Variants in ZNF532 observed in about 807,000 individuals in gnomAD.
ZNF532 encodes zinc finger protein 532.
In ZNF532, 22 loss-of-function variants were observed where a neutral mutation model predicts 89.3. That is an observed-to-expected ratio of 0.25 (90% CI 0.18 to 0.35). The LOEUF (loss-of-function observed/expected upper bound fraction) is 0.35, where lower values mean the gene tolerates loss of function less well. Among genes scored for constraint, ZNF532 ranks in the 10% least tolerant of loss-of-function variants. The probability of loss-of-function intolerance (pLI) is 1.00; values close to 1 mark genes in which losing one functional copy is unlikely to be tolerated. For synonymous variants in ZNF532, 606 were observed against 649.6 expected (o/e 0.93, Z 1.02); for missense variants, 1,132 against 1,643.4 (o/e 0.69, Z 5.38).
At chr18:58,902,785 C>A (rs180902570) in intron 2 of ZNF532, among the ~76,000 whole-genome samples, 1 of 152,240 alleles carries the variant, frequency 6.6e-6, no homozygotes, top group East Asian at 1.9e-4. Flanking sequence ...AGCCACCACA[C>A]CTGGCCCCAG....
At chr18:58,926,093 G>A (rs776151999) in intron 3 of ZNF532, 1 of 152,054 alleles carries the variant, frequency 6.6e-6, no homozygotes, top group Non-Finnish European at 1.5e-5. Context: ...ATAAATTTTA[G>A]AATAATGTTG....
chr18:58,918,009 C>A (rs1417742376), intron 2 of ZNF532, among the ~76,000 whole-genome samples: 1 of 152,190 alleles, frequency 6.6e-6, no homozygotes, highest in Non-Finnish European at 1.5e-5. Flanking sequence ...CAATCAACTT[C>A]ATTCTTGTTA....
chr18:58,919,026 G>A lies in ZNF532; in HGVS notation c.739G>A (p.Glu247Lys), dbSNP rs764117296. The A allele has an allele frequency of 5.6e-6, 9 of 1,613,592 alleles. No homozygotes were observed. In the African/African-American group the frequency reaches 6.7e-5, roughly 12 times the overall value. The change falls in exon 3 of 10, where the codon GAG becomes AAG. Residue 247 changes from glutamate to lysine, a missense_variant. Transcript: ENST00000591808. The surrounding 1 kb of genome is among the most constrained non-coding windows in gnomAD (Gnocchi z 6.1). Reference sequence around the variant, plus strand: ...AGTCCTAGATGGGAAGCTGAGCTCCGAGAAGAATGACACCAGCCTCCCCAG... The same window carrying A: ...AGTCCTAGATGGGAAGCTGAGCTCCAAGAAGAATGACACCAGCCTCCCCAG... Reference protein sequence around the residue: ...NRVLDGKLSSEKNDTSLPSVA... With the variant: ...NRVLDGKLSSKKNDTSLPSVA...
At chr18:58,933,257 T>A (rs11152108) in intron 3 of ZNF532, among the ~76,000 whole-genome samples, 79,791 of 151,914 alleles carry the variant, frequency 0.53, 22,264 homozygotes, top group African/African-American at 0.69. Flanking sequence ...TAAACATTTT[T>A]TGGGATAAAA....
chr18:58,939,589 A>G lies in ZNF532; in HGVS notation c.2673A>G (p.Thr891=). The G allele has an allele frequency of 6.2e-7, 1 of 1,613,628 alleles. No individual in the cohort carries two copies. Among genetic ancestry groups the G allele is most frequent in the Non-Finnish European group, 8.5e-7 (1 of 1,179,908 alleles). Residue 891 remains threonine, a synonymous_variant, in exon 5 of 10, where the codon ACA becomes ACG. Coordinates refer to ENST00000591808, the MANE Select transcript of ZNF532 (RefSeq NM_001375912.1). The part of the protein sequence containing the change: ...SAPSTHSHAY[T]QHPGIKIGEP... ...CAAGCACACATTCCCACGCCTACAC[A>G]CAGCATCCTGGCATCAAGATAGGAG...
At chr18:58,897,296 T>A (rs892821136) in intron 2 of ZNF532, among the ~76,000 whole-genome samples, 1 of 152,190 alleles carries the variant, frequency 6.6e-6, no homozygotes, top group Non-Finnish European at 1.5e-5. Context: ...CCTGCTGCCT[T>A]CCCTTTATTT....
chr18:58,911,309 A>G (rs2060269052), intron 2 of ZNF532, among the ~76,000 whole-genome samples: 1 of 152,268 alleles, frequency 6.6e-6, no homozygotes, highest in South Asian at 2.1e-4. Flanking sequence ...ATGAAGGTAC[A>G]GGCAAGATTT....
intron 7 of ZNF532, among the ~76,000 whole-genome samples, chr18:58,963,571 ACT>A (rs1310402845): frequency 1.3e-5 from 2 of 150,848 alleles, no homozygotes; most frequent in African/African-American, 2.4e-5. Flanking sequence ...CTTTACAGAG[ACT>A]CTCACTTGCA....
chr18:58,904,318 T>C (rs1174422874), intron 2 of ZNF532, among the ~76,000 whole-genome samples: 1 of 150,882 alleles, frequency 6.6e-6, no homozygotes, highest in African/African-American at 2.4e-5. Flanking sequence ...CGCCACTGCA[T>C]GCCAGCCTAG....
chr18:58,925,889 T>A (rs891105293), intron 3 of ZNF532, among the ~76,000 whole-genome samples: 2 of 152,206 alleles, frequency 1.3e-5, no homozygotes, highest in African/African-American at 4.8e-5. Context: ...TTGTCAAGTA[T>A]CAGTTAGGCA....
chr18:58,884,033 G>A (rs111282204), intron 2 of ZNF532, among the ~76,000 whole-genome samples: 5 of 103,250 alleles, frequency 4.8e-5, no homozygotes, highest in African/African-American at 1.3e-4. Context: ...TCTAATGCTG[G>A]AAGTCTCAAA....
intron 2 of ZNF532, among the ~76,000 whole-genome samples, chr18:58,899,113 G>A (rs187754309): frequency 3.9e-5 from 6 of 152,318 alleles, no homozygotes; most frequent in Admixed American, 3.3e-4. Flanking sequence ...AATAGAGTCC[G>A]GACACAGCGA....
chr18:58,887,087 A>T (rs1014214737), intron 2 of ZNF532, among the ~76,000 whole-genome samples: 8 of 152,202 alleles, frequency 5.3e-5, no homozygotes, highest in Admixed American at 3.9e-4. Flanking sequence ...CTGGCGGTGA[A>T]ATGAAGAACA....
intron 3 of ZNF532, among the ~76,000 whole-genome samples, chr18:58,930,089 G>A (rs1228839478): frequency 1.3e-5 from 2 of 152,198 alleles, no homozygotes; most frequent in South Asian, 4.2e-4. Flanking sequence ...ACAGCCATAC[G>A]TTTCTCTAGC....
chr18:58,975,386 T>C (rs564417863), intron 7 of ZNF532, among the ~76,000 whole-genome samples: 5 of 152,298 alleles, frequency 3.3e-5, no homozygotes, highest in Admixed American at 6.5e-5. Context: ...TATGAAGTTA[T>C]GACTTTTCTC....
intron 6 of ZNF532, among the ~76,000 whole-genome samples, chr18:58,951,786 AC>A (rs1184750443): frequency 6.6e-6 from 1 of 151,056 alleles, no homozygotes; most frequent in African/African-American, 2.4e-5. Context: ...AGTAGATGGG[AC>A]TACAGGCACC....
chr18:58,920,733 GACGTGTGTGTGTGTGT>G (rs2060976491), intron 3 of ZNF532, 100 bp downstream of exon 3: 1 of 709,388 alleles, frequency 1.4e-6, no homozygotes, highest in Non-Finnish European at 2.2e-6. Context: ...CAGTGAAATG[GACGTGTGTGTGTGTGT>G]GTGTGTGTGT....
At chr18:58,955,836 TAG>T in intron 7 of ZNF532, among the ~76,000 whole-genome samples, 1 of 152,336 alleles carries the variant, frequency 6.6e-6, no homozygotes, top group South Asian at 2.1e-4. Context: ...AAATACTGGG[TAG>T]TTTTTAAGGA....
intron 2 of ZNF532, among the ~76,000 whole-genome samples, chr18:58,905,052 G>A (rs967788993): frequency 3.3e-5 from 5 of 152,136 alleles, no homozygotes; most frequent in African/African-American, 1.2e-4. Flanking sequence ...ATGTTGGCCA[G>A]TGTGGTCTTG....
Sources: allele counts gnomAD v4.1 joint callset (sites outside exome capture counted in the v4.1 genomes callset), GRCh38; gene constraint gnomAD v4.1.1; non-coding constraint Gnocchi (gnomAD v3.1); transcripts MANE v1.5; gene names NCBI Gene and HGNC (gene_info 2026-07-23, HGNC 2026-07-21).